The following CADM2 variants were observed in gnomAD, a reference collection of about 807,000 sequenced individuals.
CADM2 encodes immunoglobulin superfamily member 4D.
Under a neutral mutation model 49.8 loss-of-function variants are expected in CADM2, and 12 were observed. The observed-to-expected ratio is 0.24, with a 90% CI of 0.15 to 0.39. The LOEUF is 0.39. Ranked by LOEUF, CADM2 falls within the 10% of genes least tolerant of loss-of-function variation. The pLI, the probability that CADM2 is intolerant of heterozygous loss-of-function variation, is 1.00. For synonymous variants in CADM2, 214 were observed against 175.4 expected, an observed-to-expected ratio of 1.22 and a Z score of -1.74; for missense variants, 378 against 492.3, an observed-to-expected ratio of 0.77 and a Z score of 2.20.
chr3:85,386,302 G>C (rs1268795335), intron 1 of CADM2, among the ~76,000 whole-genome samples: 2 of 152,102 alleles, frequency 1.3e-5, no homozygotes, highest in East Asian at 1.9e-4. Flanking sequence ...AGGGAACGTG[G>C]TCCAACCTTA....
intron 1 of CADM2, among the ~76,000 whole-genome samples, chr3:85,209,360 ATT>A (rs562106146): frequency 6.6e-6 from 1 of 151,970 alleles, no homozygotes; most frequent in Non-Finnish European, 1.5e-5. Flanking sequence ...TGAGGAGAGT[ATT>A]TTTTCTTTTT....
intron 1 of CADM2, among the ~76,000 whole-genome samples, chr3:85,581,932 TTTTGTTTTG>T (rs1396186626): frequency 1.3e-5 from 2 of 152,048 alleles, no homozygotes; most frequent in Non-Finnish European, 2.9e-5. Context: ...TTTTGTTTTG[TTTTGTTTTG>T]TTTTTTAATG....
chr3:85,990,085 T>C (rs1162357650), intron 8 of CADM2, among the ~76,000 whole-genome samples: 1 of 86,940 alleles, frequency 1.2e-5, no homozygotes, highest in African/African-American at 4.5e-5. Context: ...TAAATGGAAA[T>C]ACTTAAAAAC....
intron 1 of CADM2, among the ~76,000 whole-genome samples, chr3:85,377,861 C>A (rs973371161): frequency 5.9e-5 from 9 of 151,876 alleles, no homozygotes; most frequent in Non-Finnish European, 1.2e-4. Context: ...GGGAGCGATG[C>A]GAATTACCAT....
intron 1 of CADM2, among the ~76,000 whole-genome samples, chr3:85,619,332 T>G (rs575546696): frequency 1.4e-5 from 2 of 145,676 alleles, no homozygotes; most frequent in East Asian, 2.0e-4. Context: ...AAAGATGCAA[T>G]GGAACTTTAA....
intron 1 of CADM2, among the ~76,000 whole-genome samples, chr3:85,723,184 C>A (rs560156789): frequency 6.6e-6 from 1 of 151,886 alleles, no homozygotes; most frequent in African/African-American, 2.4e-5. Flanking sequence ...AATATTATAA[C>A]GAACAATCTC....
chr3:85,726,205 A>G (rs1219369817), intron 1 of CADM2, among the ~76,000 whole-genome samples: 2 of 152,064 alleles, frequency 1.3e-5, no homozygotes, highest in East Asian at 3.9e-4. Flanking sequence ...TATAATTTTA[A>G]TTGATTATTA....
chr3:85,965,323 T>C (rs1725344387), intron 8 of CADM2, among the ~76,000 whole-genome samples: 1 of 146,618 alleles, frequency 6.8e-6, no homozygotes, highest in Non-Finnish European at 1.5e-5. Flanking sequence ...TAAATATTAT[T>C]ACAAATTAAT....
intron 1 of CADM2, among the ~76,000 whole-genome samples, chr3:85,318,558 C>T (rs529615632): frequency 3.3e-5 from 5 of 152,104 alleles, no homozygotes; most frequent in African/African-American, 1.2e-4. Flanking sequence ...TACAAAGAAA[C>T]AAGGTCCAAA....
intron 1 of CADM2, among the ~76,000 whole-genome samples, chr3:84,992,989 T>C (rs966296289): frequency 6.6e-6 from 1 of 152,146 alleles, no homozygotes; most frequent in African/African-American, 2.4e-5. Flanking sequence ...ACCCAGGATG[T>C]ATGGTTTAAT....
chr3:85,869,906 C>A (rs2075858724), intron 3 of CADM2, among the ~76,000 whole-genome samples: 1 of 152,146 alleles, frequency 6.6e-6, no homozygotes, highest in Non-Finnish European at 1.5e-5. Flanking sequence ...CGTGATCCTC[C>A]CGCCTTGGCC....
At chr3:85,760,558 C>A (rs1308876597) in intron 2 of CADM2, among the ~76,000 whole-genome samples, 1 of 152,064 alleles carries the variant, frequency 6.6e-6, no homozygotes, top group Non-Finnish European at 1.5e-5. Flanking sequence ...CTGCATAATT[C>A]ATCATAAAAG....
intron 1 of CADM2, among the ~76,000 whole-genome samples, chr3:85,578,041 CT>C (rs371591057): frequency 9.8e-4 from 87 of 88,730 alleles, no homozygotes; most frequent in Middle Eastern, 5.5e-3. Flanking sequence ...TCTTCCCCCC[CT>C]TTCTTTCTTA....
chr3:85,825,435 T>G (rs1326812372), intron 3 of CADM2, among the ~76,000 whole-genome samples: 1 of 152,038 alleles, frequency 6.6e-6, no homozygotes, highest in Non-Finnish European at 1.5e-5. Flanking sequence ...AAATAAGTAT[T>G]CCACCTTACT....
intron 3 of CADM2, among the ~76,000 whole-genome samples, chr3:85,847,040 G>A (rs2074912739): frequency 6.6e-6 from 1 of 152,168 alleles, no homozygotes; most frequent in Non-Finnish European, 1.5e-5. Flanking sequence ...TTATTTGCAA[G>A]TCACAGTGTT....
intron 8 of CADM2, among the ~76,000 whole-genome samples, chr3:85,978,154 A>C (rs1345891277): frequency 2.0e-5 from 3 of 150,480 alleles, no homozygotes; most frequent in Admixed American, 1.3e-4. Flanking sequence ...TTACATGCCT[A>C]TTCACTTTAG....
At chr3:85,210,605 A>G (rs2041754559) in intron 1 of CADM2, among the ~76,000 whole-genome samples, 1 of 151,996 alleles carries the variant, frequency 6.6e-6, no homozygotes, top group Non-Finnish European at 1.5e-5. Context: ...GCAGTGGTGC[A>G]ATCATGGCTC....
intron 2 of CADM2, among the ~76,000 whole-genome samples, chr3:85,727,347 A>G (rs1342714724): frequency 1.3e-5 from 2 of 152,130 alleles, no homozygotes; most frequent in Admixed American, 1.3e-4. Flanking sequence ...TTGAAGTGTT[A>G]ACTATTCCCT....
chr3:85,469,923 C>T (rs1268473035), intron 1 of CADM2, among the ~76,000 whole-genome samples: 1 of 151,906 alleles, frequency 6.6e-6, no homozygotes, highest in African/African-American at 2.4e-5. Flanking sequence ...TATGTTGGGT[C>T]CTGGGAGTGA....
Sources: allele counts gnomAD v4.1 joint callset (sites outside exome capture counted in the v4.1 genomes callset), GRCh38; gene constraint gnomAD v4.1.1; transcripts MANE v1.5; gene names NCBI Gene and HGNC (gene_info 2026-07-23, HGNC 2026-07-21).